Variants in PTPRD observed in about 807,000 individuals in gnomAD.
PTPRD encodes receptor-type tyrosine-protein phosphatase delta.
A neutral mutation model predicts 214.5 loss-of-function variants in PTPRD; 34 were observed. That is an observed-to-expected ratio of 0.16 (90% CI 0.12 to 0.21). The LOEUF is 0.21. Ranked by LOEUF, PTPRD falls within the 10% of genes least tolerant of loss-of-function variation. The pLI is 1.00. For synonymous variants in PTPRD, 1,128 were observed against 845.7 expected (o/e 1.33, Z -5.79); for missense variants, 2,545 against 2,398.7 (o/e 1.06, Z -1.27).
intron 12 of PTPRD, among the ~76,000 whole-genome samples, chr9:8,698,268 G>A (rs1268347822): frequency 1.3e-5 from 2 of 152,188 alleles, no homozygotes; most frequent in East Asian, 3.9e-4. Context: ...TACTTACACT[G>A]TCTCTAACTG....
At chr9:10,111,261 C>T (rs1402594538) in intron 3 of PTPRD, among the ~76,000 whole-genome samples, 10 of 84,136 alleles carry the variant, frequency 1.2e-4, no homozygotes, top group Admixed American at 2.1e-4. Flanking sequence ...TTTTTTGAGA[C>T]GGAGTCTCGC....
chr9:9,051,843 A>C (rs1289305807), intron 10 of PTPRD, among the ~76,000 whole-genome samples: 1 of 152,160 alleles, frequency 6.6e-6, no homozygotes, highest in East Asian at 1.9e-4. Flanking sequence ...AAAATTTCTA[A>C]TCCTGCCTGG....
chr9:9,759,359 C>G (rs183655889), intron 6 of PTPRD, among the ~76,000 whole-genome samples: 60 of 152,270 alleles, frequency 3.9e-4, no homozygotes, highest in African/African-American at 1.4e-3. Context: ...GGTCGCTCCT[C>G]AAGAAGTCCC....
At chr9:8,891,855 G>A (rs1362458730) in intron 11 of PTPRD, among the ~76,000 whole-genome samples, 2 of 152,148 alleles carry the variant, frequency 1.3e-5, no homozygotes, top group Non-Finnish European at 2.9e-5. Context: ...AGCAGTCGTG[G>A]AGTTGGGCAG....
At chr9:9,547,662 C>T (rs2079112525) in intron 8 of PTPRD, among the ~76,000 whole-genome samples, 1 of 151,994 alleles carries the variant, frequency 6.6e-6, no homozygotes, top group Non-Finnish European at 1.5e-5. Flanking sequence ...TTTTGTACAT[C>T]AGGATATTTA....
chr9:9,329,963 A>C (rs2041692133), intron 9 of PTPRD, among the ~76,000 whole-genome samples: 1 of 152,176 alleles, frequency 6.6e-6, no homozygotes, highest in African/African-American at 2.4e-5. Flanking sequence ...GGGTAAGAGA[A>C]GGTGGCTTTT....
In PTPRD at chr9:8,682,511, T is replaced by G. The variant is rs139020659; in HGVS notation, c.65-45667A>C. On this transcript the variant is annotated intron_variant, in intron 12 of 45. Coordinates refer to ENST00000381196, the MANE Select transcript of PTPRD (RefSeq NM_002839.4). ...CCCTGTGGTACACAACATATACATT[T>G]TTGCAATTAAAAAGAAAACTATATG... Among the ~76,000 whole-genome samples, 574 of 151,616 alleles carry G rather than the reference T, an allele frequency of 3.8e-3. 1 individual carries two copies. Among genetic ancestry groups the G allele is most frequent in the African/African-American group, 0.013 (551 of 41,204 alleles).
chr9:8,368,540 A>G (rs1271476969), intron 39 of PTPRD, among the ~76,000 whole-genome samples: 2 of 152,094 alleles, frequency 1.3e-5, no homozygotes, highest in Admixed American at 6.6e-5. Context: ...CACTGCATTT[A>G]TATCTATTAT....
At chr9:10,144,714 T>C (rs2099010520) in intron 3 of PTPRD, among the ~76,000 whole-genome samples, 1 of 152,120 alleles carries the variant, frequency 6.6e-6, no homozygotes, top group Admixed American at 6.6e-5. Context: ...TAGATATTAA[T>C]GAATCAGCTA....
chr9:9,286,542 T>C (rs1949426347), intron 9 of PTPRD, among the ~76,000 whole-genome samples: 1 of 151,772 alleles, frequency 6.6e-6, no homozygotes, highest in African/African-American at 2.4e-5. Context: ...TTGATGAGCA[T>C]ACGTTTTTCT....
intron 10 of PTPRD, among the ~76,000 whole-genome samples, chr9:9,056,576 T>C (rs1477551366): frequency 6.6e-6 from 1 of 152,230 alleles, no homozygotes; most frequent in African/African-American, 2.4e-5. Context: ...TTTGTGCCAA[T>C]GAGCATTTTA....
intron 2 of PTPRD, among the ~76,000 whole-genome samples, chr9:10,416,769 G>C (rs2098494118): frequency 1.3e-5 from 2 of 151,840 alleles, no homozygotes; most frequent in African/African-American, 4.8e-5. Context: ...TATAAGTTTG[G>C]GGGACTGGCT....
At chr9:8,497,299 A>C (rs1050227451) in intron 25 of PTPRD, 31 bp from the exon 26 acceptor site, 1 of 1,570,720 alleles carries the variant, frequency 6.4e-7, no homozygotes, top group Non-Finnish European at 8.6e-7. Context: ...TGGGAGGAAA[A>C]CAAAATAAAA....
chr9:8,911,630 T>C (rs1001562172), intron 11 of PTPRD, among the ~76,000 whole-genome samples: 8 of 152,102 alleles, frequency 5.3e-5, no homozygotes, highest in African/African-American at 1.9e-4. Flanking sequence ...TTACATATGA[T>C]GCCAAAAACA....
chr9:9,526,908 G>A (rs1173596171), intron 8 of PTPRD, among the ~76,000 whole-genome samples: 3 of 151,950 alleles, frequency 2.0e-5, no homozygotes, highest in Non-Finnish European at 2.9e-5. Context: ...TTATAAAATT[G>A]CTTATTTTAA....
chr9:8,608,348 AG>A (rs2095316164), intron 14 of PTPRD, among the ~76,000 whole-genome samples: 1 of 152,210 alleles, frequency 6.6e-6, no homozygotes, highest in African/African-American at 2.4e-5. Flanking sequence ...ATACTACAAA[AG>A]GGCCAGCATA....
intron 3 of PTPRD, among the ~76,000 whole-genome samples, chr9:10,260,518 A>T (rs892578393): frequency 5.3e-5 from 8 of 152,110 alleles, no homozygotes; most frequent in Non-Finnish European, 1.0e-4. Flanking sequence ...AAACCTCAGC[A>T]TTTCTGAATA....
intron 11 of PTPRD, among the ~76,000 whole-genome samples, chr9:8,816,638 A>G (rs909483314): frequency 6.6e-6 from 1 of 152,214 alleles, no homozygotes; most frequent in Non-Finnish European, 1.5e-5. Context: ...GTATAACTCA[A>G]CTAAATTAAC....
intron 36 of PTPRD, among the ~76,000 whole-genome samples, chr9:8,392,757 C>A (rs1196735500): frequency 6.6e-6 from 1 of 152,112 alleles, no homozygotes; most frequent in Non-Finnish European, 1.5e-5. Flanking sequence ...TTCTCTCTCA[C>A]AGATCCTCTG....
Sources: gnomAD v4.1 joint callset for allele counts (sites outside exome capture counted in the v4.1 genomes callset) on GRCh38, gnomAD v4.1.1 for gene constraint, MANE v1.5 for transcripts, NCBI Gene and HGNC (gene_info 2026-07-23, HGNC 2026-07-21) for gene names.